Variants in PKD2 observed in about 807,000 individuals in gnomAD.
PKD2 encodes polycystin-2.
PKD2 carries 48 observed loss-of-function variants against 105.9 expected under a neutral mutation model. That is an observed-to-expected ratio of 0.45 (90% confidence interval 0.36 to 0.58). The LOEUF is 0.58. Among genes scored for constraint, PKD2 ranks in the 20% least tolerant of loss-of-function variants. The pLI is 0.00. For missense variants in PKD2, 1,078 were observed against 1,255.3 expected (o/e 0.86, Z 2.13); for synonymous variants, 464 against 481.1 (o/e 0.96, Z 0.46).
intron 13 of PKD2, among the ~76,000 whole-genome samples, chr4:88,068,463 C>G (rs568628548): frequency 1.4e-4 from 19 of 132,690 alleles, no homozygotes; most frequent in African/African-American, 6.7e-4. Flanking sequence ...GTGCAAGACT[C>G]TGTCTCAAAA....
At chr4:88,030,154 A>G (rs186379987) in intron 2 of PKD2, among the ~76,000 whole-genome samples, 44 of 152,146 alleles carry the variant, frequency 2.9e-4, no homozygotes, top group African/African-American at 1.1e-3. Flanking sequence ...CCATTTATTT[A>G]TTTATGTATT....
rs187578897 is a variant in PKD2 at position 88,070,976 on chromosome 4, A to G, written c.2522+2915A>G. On this transcript the variant is annotated intron_variant, in intron 13 of 14. Coordinates refer to ENST00000237596, the MANE Select transcript of PKD2 (RefSeq NM_000297.4). ...TATACTTTTCAACTCCAGAATTTCT[A>G]TTTGGTTCTTTTTAGCAATCTCTGT... Among the ~76,000 whole-genome samples the G allele has an allele frequency of 6.5e-4, 98 of 151,260 alleles. 1 individual carries two copies. The highest frequency in any genetic ancestry group is 2.3e-3 in the African/African-American group (95 of 41,172).
chr4:88,047,910 C>T (rs1053479730), intron 6 of PKD2, among the ~76,000 whole-genome samples: 1 of 152,164 alleles, frequency 6.6e-6, no homozygotes, highest in African/African-American at 2.4e-5. Context: ...TGTGTCTGCT[C>T]TTGACTCTAT....
Position 88,037,471 on chromosome 4 carries a change from A to G in PKD2, c.844-780A>G, listed in dbSNP as rs531493300. On this transcript the variant is annotated intron_variant, in intron 3 of 14. Transcript: ENST00000237596. The stretch of plus-strand genomic sequence containing the variant: ...AATTATTATTTCTCCTTGGGGAGAT[A>G]GTTTCTAAAATTCTTACTACACCCT... Among the ~76,000 whole-genome samples, 38 of 152,358 alleles carry G rather than the reference A, an allele frequency of 2.5e-4. 2 individuals are homozygous for G. In the South Asian group the frequency reaches 7.0e-3, roughly 28 times the overall value.
intron 1 of PKD2, among the ~76,000 whole-genome samples, chr4:88,014,493 A>AAG (rs1454720252): frequency 6.6e-6 from 1 of 151,806 alleles, no homozygotes; most frequent in Non-Finnish European, 1.5e-5. Flanking sequence ...CTCTAAAAAA[A>AAG]AAAAAAAATT....
At chr4:88,052,264 C>G in intron 7 of PKD2, 106 bp downstream of exon 7, 1 of 743,788 alleles carries the variant, frequency 1.3e-6, no homozygotes, top group Non-Finnish European at 2.3e-6. Flanking sequence ...AGTGACCAGC[C>G]AAAGCTGCTC....
chr4:88,074,778 C>T (rs1448976394), intron 13 of PKD2, 34 bp from the exon 14 acceptor site: 2 of 1,612,782 alleles, frequency 1.2e-6, no homozygotes, highest in Non-Finnish European at 8.5e-7. Flanking sequence ...CAATGACAAG[C>T]ACTTTGTCCC....
chr4:88,057,866 G>T (rs1720422477), intron 8 of PKD2, 117 bp from the exon 9 acceptor site: 2 of 789,830 alleles, frequency 2.5e-6, no homozygotes, highest in Non-Finnish European at 4.5e-6. Flanking sequence ...CTGTTATTCG[G>T]CAGCTACCTA....
chr4:88,023,267 C>T (rs1049029031), intron 2 of PKD2, among the ~76,000 whole-genome samples: 2 of 152,088 alleles, frequency 1.3e-5, no homozygotes, highest in Admixed American at 1.3e-4. Flanking sequence ...GGAGCTTGCA[C>T]ATCATGTGGC....
At chr4:88,025,118 C>T (rs759911886) in intron 2 of PKD2, among the ~76,000 whole-genome samples, 5 of 150,136 alleles carry the variant, frequency 3.3e-5, no homozygotes, top group Admixed American at 6.7e-5. Context: ...CCAGCCTGGG[C>T]GACAGAACGA....
At chr4:88,008,615 A>G (rs528413014) in intron 1 of PKD2, among the ~76,000 whole-genome samples, 1 of 152,260 alleles carries the variant, frequency 6.6e-6, no homozygotes, top group Admixed American at 6.5e-5. Context: ...AATTAGAGTG[A>G]AAGAGTACAT....
intron 7 of PKD2, among the ~76,000 whole-genome samples, chr4:88,054,802 C>T (rs1040778631): frequency 1.3e-5 from 2 of 151,736 alleles, no homozygotes; most frequent in African/African-American, 4.8e-5. Context: ...CTACAGGCGG[C>T]TGCCACCACG....
chr4:88,038,176 A>C, intron 3 of PKD2, 75 bp from the exon 4 acceptor site: 1 of 1,478,814 alleles, frequency 6.8e-7, no homozygotes. Context: ...ATGCTTGGTT[A>C]TGCAAACGAT....
chr4:88,065,593 C>CTT (rs111465406), intron 11 of PKD2, 98 bp downstream of exon 11: 7,055 of 1,063,188 alleles, frequency 6.6e-3, no homozygotes, highest in East Asian at 0.013. Context: ...CATACAGATA[C>CTT]TTTTTTTTTT....
At chr4:88,031,442 T>C (rs1270368149) in intron 2 of PKD2, among the ~76,000 whole-genome samples, 2 of 152,214 alleles carry the variant, frequency 1.3e-5, no homozygotes. Context: ...CCATAAGTTA[T>C]ACAGCTAACA....
intron 4 of PKD2, among the ~76,000 whole-genome samples, chr4:88,042,126 G>A (rs1475156762): frequency 6.6e-6 from 1 of 152,190 alleles, no homozygotes; most frequent in Admixed American, 6.5e-5. Flanking sequence ...CTTCCCATTT[G>A]TATTAGTCTG....
At chr4:88,036,830 T>G (rs1560607623) in intron 3 of PKD2, among the ~76,000 whole-genome samples, 1 of 152,236 alleles carries the variant, frequency 6.6e-6, no homozygotes, top group Non-Finnish European at 1.5e-5. Context: ...GCAGTGTGGT[T>G]CTTCTGTCTT....
intron 2 of PKD2, among the ~76,000 whole-genome samples, chr4:88,031,841 A>G (rs1288922107): frequency 2.0e-5 from 3 of 152,232 alleles, no homozygotes; most frequent in Non-Finnish European, 4.4e-5. Flanking sequence ...ATAAGAATTC[A>G]TTACAGTTGA....
chr4:88,015,608 G>C, intron 1 of PKD2, among the ~76,000 whole-genome samples: 1 of 152,148 alleles, frequency 6.6e-6, no homozygotes, highest in East Asian at 1.9e-4. Flanking sequence ...TTTTAGTAGA[G>C]AGGAGGTTTC....
Sources: allele counts gnomAD v4.1 joint callset (sites outside exome capture counted in the v4.1 genomes callset), GRCh38; gene constraint gnomAD v4.1.1; transcripts MANE v1.5; gene names NCBI Gene and HGNC (gene_info 2026-07-23, HGNC 2026-07-21).